Variants in PALM2AKAP2 observed in about 807,000 individuals in gnomAD.
The protein encoded by PALM2AKAP2 is PALM2 and AKAP2 fusion.
A neutral mutation model predicts 71.5 loss-of-function variants in PALM2AKAP2; 37 were observed. The observed-to-expected ratio is 0.52, with a 90% CI of 0.40 to 0.68. The LOEUF (loss-of-function observed/expected upper bound fraction) is 0.68. Among genes scored for constraint, PALM2AKAP2 ranks in the 30% least tolerant of loss-of-function variants. The pLI, the probability that PALM2AKAP2 is intolerant of heterozygous loss-of-function variation, is 0.00. For synonymous variants in PALM2AKAP2, 468 were observed against 478.8 expected (o/e 0.98, Z 0.29); for missense variants, 1,224 against 1,191.8 (o/e 1.03, Z -0.40).
At chr9:110,086,834 C>A (rs189719048) in intron 1 of PALM2AKAP2, among the ~76,000 whole-genome samples, 31 of 152,258 alleles carry the variant, frequency 2.0e-4, no homozygotes, top group African/African-American at 7.2e-4. Context: ...AACAGATAGT[C>A]ATTTCATCTC....
At chr9:110,015,240 T>G (rs898530286) in intron 6 of PALM2AKAP2, among the ~76,000 whole-genome samples, 2 of 152,188 alleles carry the variant, frequency 1.3e-5, no homozygotes, top group South Asian at 4.1e-4. Context: ...TGTATTTCTG[T>G]GTTCTGGGAT....
intron 2 of PALM2AKAP2, 51 bp from the exon 3 acceptor site, chr9:109,880,500 G>C: frequency 6.2e-7 from 1 of 1,606,250 alleles, no homozygotes. Context: ...GGAGAGGACA[G>C]TGTGGACTGA....
At chr9:109,943,661 C>T in intron 6 of PALM2AKAP2, 1 of 514,230 alleles carries the variant, frequency 1.9e-6, no homozygotes, top group Non-Finnish European at 3.4e-6. Context: ...TTCCTTGTGT[C>T]TTCAAGAGTG....
chr9:109,643,162 G>A lies in PALM2AKAP2; in HGVS notation c.5+2296G>A, dbSNP rs1016072111. On this transcript the variant is annotated intron_variant, in intron 1 of 6. Transcript: ENST00000374531. ...GACAATGCCTGAAGGGCAATTGAGAGTAACATAATTCCCAAGATACCACTG... is the reference window on the plus strand; with the variant it reads ...GACAATGCCTGAAGGGCAATTGAGAATAACATAATTCCCAAGATACCACTG... Among the ~76,000 whole-genome samples, 10 of 152,210 alleles carry A rather than the reference G, an allele frequency of 6.6e-5. No homozygotes were observed. The East Asian group carries it at 1.9e-3, about 29-fold the overall frequency.
At chr9:109,812,951 G>A (rs1253750233) in intron 1 of PALM2AKAP2, among the ~76,000 whole-genome samples, 2 of 152,326 alleles carry the variant, frequency 1.3e-5, no homozygotes, top group East Asian at 3.9e-4. Flanking sequence ...ACTGCTGGAA[G>A]CCTTCAGCAG....
intron 1 of PALM2AKAP2, among the ~76,000 whole-genome samples, chr9:110,098,965 T>G (rs1320184037): frequency 6.6e-6 from 1 of 152,240 alleles, no homozygotes; most frequent in East Asian, 1.9e-4. Flanking sequence ...CACATATTTT[T>G]CAGTTAGATT....
At chr9:110,051,633 A>C (rs959426576) in intron 1 of PALM2AKAP2, among the ~76,000 whole-genome samples, 2 of 152,222 alleles carry the variant, frequency 1.3e-5, no homozygotes, top group African/African-American at 4.8e-5. Flanking sequence ...TTAACAGTTG[A>C]AACAGGAGCA....
chr9:109,942,749 C>G lies in PALM2AKAP2; in HGVS notation c.496+10721C>G, dbSNP rs768062640. On this transcript the variant is annotated intron_variant, in intron 6 of 9. Coordinates refer to the PALM2AKAP2 transcript ENST00000302798. ...CAAACAGGAGAGACCAAGATTCTCT[C>G]TACATCTACCATTGGCCCAGAGGGG... The G allele has an allele frequency of 6.8e-6, 11 of 1,613,244 alleles. No homozygotes were observed. The Admixed American group carries it at 1.2e-4, about 17-fold the overall frequency.
intron 1 of PALM2AKAP2, among the ~76,000 whole-genome samples, chr9:109,736,719 C>T (rs1205283476): frequency 6.6e-6 from 1 of 152,056 alleles, no homozygotes; most frequent in Admixed American, 6.6e-5. Flanking sequence ...GAACACTGTA[C>T]CTAATAACAG....
chr9:109,807,896 T>A (rs1456527285), intron 1 of PALM2AKAP2, among the ~76,000 whole-genome samples: 1 of 152,188 alleles, frequency 6.6e-6, no homozygotes, highest in East Asian at 1.9e-4. Flanking sequence ...TCACAAGATC[T>A]GATGATTTTA....
chr9:109,757,659 T>C (rs957341593), intron 1 of PALM2AKAP2, among the ~76,000 whole-genome samples: 6 of 152,046 alleles, frequency 3.9e-5, no homozygotes, highest in African/African-American at 1.4e-4. Flanking sequence ...CCATGTTCAC[T>C]TCCCAATTCA....
chr9:109,780,285 G>C, upstream of PALM2AKAP2: 1 of 1,218,678 alleles, frequency 8.2e-7, no homozygotes, highest in Non-Finnish European at 1.0e-6. Context: ...CAGGCGGCCG[G>C]GAGGGCGGGG....
chr9:109,685,856 T>C (rs1827799273), intron 1 of PALM2AKAP2, among the ~76,000 whole-genome samples: 1 of 152,166 alleles, frequency 6.6e-6, no homozygotes, highest in African/African-American at 2.4e-5. Flanking sequence ...TGCTGTTCGA[T>C]AGTATTTTAC....
intron 6 of PALM2AKAP2, among the ~76,000 whole-genome samples, chr9:110,014,811 TATATATA>T (rs1832949751): frequency 8.9e-5 from 1 of 11,212 alleles, no homozygotes; most frequent in Non-Finnish European, 1.9e-4. Context: ...AAAATGTATA[TATATATA>T]TATATATATA....
At chr9:110,101,120 C>T (rs1413075057) in intron 1 of PALM2AKAP2, among the ~76,000 whole-genome samples, 2 of 152,162 alleles carry the variant, frequency 1.3e-5, no homozygotes, top group Admixed American at 6.5e-5. Flanking sequence ...TGAGACCAAG[C>T]CTCTGCAATG....
At chr9:109,718,861 A>G (rs570606170) in intron 1 of PALM2AKAP2, among the ~76,000 whole-genome samples, 1 of 152,240 alleles carries the variant, frequency 6.6e-6, no homozygotes, top group South Asian at 2.1e-4. Flanking sequence ...CCCTTTTCCA[A>G]TGGTGTTTTC....
chr9:109,978,072 AGG>A (rs1832202612), intron 6 of PALM2AKAP2, among the ~76,000 whole-genome samples: 1 of 152,094 alleles, frequency 6.6e-6, no homozygotes, highest in African/African-American at 2.4e-5. Flanking sequence ...TAGAAAAGAG[AGG>A]AAGAGATATT....
chr9:110,079,349 A>G (rs1205372752), intron 1 of PALM2AKAP2, among the ~76,000 whole-genome samples: 1 of 152,072 alleles, frequency 6.6e-6, no homozygotes, highest in Non-Finnish European at 1.5e-5. Context: ...TAAAAAAATT[A>G]GCCAAGCATG....
rs1298689139 is a variant in PALM2AKAP2 at position 110,142,441 on chromosome 9, GA to G, written c.2569+3903del. The stretch of plus-strand genomic sequence containing the variant: ...AGCTCCACTTAAATAGAATTTGAGT[GA>G]CATTTGTTTATACAGAGGTGAATAA... On this transcript the variant is annotated intron_variant, in intron 2 of 3. Coordinates refer to ENST00000374525, the Ensembl canonical transcript of PALM2AKAP2. Among the ~76,000 whole-genome samples the G allele has an allele frequency of 3.3e-5, 5 of 152,282 alleles. No individual in the cohort carries two copies. In the East Asian group the frequency reaches 9.6e-4, roughly 29 times the overall value.
Sources: gnomAD v4.1 joint callset for allele counts (sites outside exome capture counted in the v4.1 genomes callset) on GRCh38, gnomAD v4.1.1 for gene constraint, MANE v1.5 for transcripts, NCBI Gene and HGNC (gene_info 2026-07-23, HGNC 2026-07-21) for gene names.